The following PTPRT variants were observed in gnomAD, a reference collection of about 807,000 sequenced individuals.
The protein encoded by PTPRT is protein tyrosine phosphatase receptor type T.
A neutral mutation model predicts 176.8 loss-of-function variants in PTPRT; 56 were observed. That is an observed-to-expected ratio of 0.32 (90% CI 0.26 to 0.40). The LOEUF (loss-of-function observed/expected upper bound fraction) is 0.40. Ranked by LOEUF, PTPRT falls within the 10% of genes least tolerant of loss-of-function variation. PTPRT has a pLI of 1.00. For synonymous variants in PTPRT, 783 were observed against 739.0 expected, an observed-to-expected ratio of 1.06 and a Z score of -0.96; for missense variants, 1,540 against 1,908.2, an observed-to-expected ratio of 0.81 and a Z score of 3.60.
chr20:42,230,854 T>G (rs988222788), intron 15 of PTPRT, among the ~76,000 whole-genome samples: 2 of 152,248 alleles, frequency 1.3e-5, no homozygotes, highest in East Asian at 3.8e-4. Flanking sequence ...GGGCCTTATC[T>G]TTAACTATCC....
At chr20:43,061,408 C>T (rs1987455361) in intron 1 of PTPRT, among the ~76,000 whole-genome samples, 2 of 152,210 alleles carry the variant, frequency 1.3e-5, no homozygotes, top group Admixed American at 1.3e-4. Context: ...ATCAAATGTG[C>T]TCGGCCTCAT....
At chr20:43,086,733 CA>C (rs1255034830) in intron 1 of PTPRT, among the ~76,000 whole-genome samples, 1 of 152,144 alleles carries the variant, frequency 6.6e-6, no homozygotes, top group African/African-American at 2.4e-5. Flanking sequence ...TTGTCATATC[CA>C]TACAAAGTTA....
intron 6 of PTPRT, among the ~76,000 whole-genome samples, chr20:42,702,023 C>A (rs902541976): frequency 4.0e-5 from 6 of 151,896 alleles, no homozygotes; most frequent in Admixed American, 2.0e-4. Flanking sequence ...TACCCTAACC[C>A]GACTCTAATC....
At chr20:42,962,090 G>T (rs181446522) in intron 1 of PTPRT, among the ~76,000 whole-genome samples, 2 of 152,172 alleles carry the variant, frequency 1.3e-5, no homozygotes, top group African/African-American at 2.4e-5. Flanking sequence ...GATCTGTGTC[G>T]GTTTAAGCCA....
At chr20:42,612,457 T>C (rs2073991482) in intron 7 of PTPRT, among the ~76,000 whole-genome samples, 1 of 152,162 alleles carries the variant, frequency 6.6e-6, no homozygotes, top group Admixed American at 6.5e-5. Context: ...CCCTGTTACA[T>C]TACACGTCAT....
intron 13 of PTPRT, among the ~76,000 whole-genome samples, chr20:42,277,966 T>C (rs551466720): frequency 2.5e-4 from 37 of 150,434 alleles, no homozygotes; most frequent in African/African-American, 9.0e-4. Flanking sequence ...AGTACCAGTA[T>C]ATGCTGAGAT....
At chr20:42,152,477 T>A (rs75730524) in intron 17 of PTPRT, among the ~76,000 whole-genome samples, 1 of 152,320 alleles carries the variant, frequency 6.6e-6, no homozygotes, top group Non-Finnish European at 1.5e-5. Context: ...GGAACTTTGA[T>A]CAAGGCAGAG....
chr20:42,882,131 T>C (rs2145855376), intron 2 of PTPRT, among the ~76,000 whole-genome samples: 1 of 152,266 alleles, frequency 6.6e-6, no homozygotes, highest in Non-Finnish European at 1.5e-5. Flanking sequence ...AGACTCAAAC[T>C]TGACTTCCAA....
intron 11 of PTPRT, among the ~76,000 whole-genome samples, chr20:42,343,759 T>C (rs544914673): frequency 6.6e-6 from 1 of 152,282 alleles, no homozygotes; most frequent in South Asian, 2.1e-4. Context: ...ACTTCGCATG[T>C]AGTAGATCTC....
chr20:42,785,051 A>G (rs1190542770), intron 3 of PTPRT, among the ~76,000 whole-genome samples: 2 of 152,228 alleles, frequency 1.3e-5, no homozygotes, highest in Non-Finnish European at 2.9e-5. Flanking sequence ...GAGGTGATGG[A>G]TATGTTCATT....
intron 11 of PTPRT, among the ~76,000 whole-genome samples, chr20:42,334,285 C>G (rs924616649): frequency 3.9e-5 from 6 of 152,188 alleles, no homozygotes; most frequent in African/African-American, 1.2e-4. Flanking sequence ...TAACTAGATG[C>G]CAGTATCACC....
intron 9 of PTPRT, among the ~76,000 whole-genome samples, chr20:42,358,860 C>T (rs1238756857): frequency 1.3e-5 from 2 of 152,168 alleles, no homozygotes; most frequent in Non-Finnish European, 2.9e-5. Context: ...TGTCTTTGTG[C>T]AGTGCACAAA....
chr20:42,621,771 C>G (rs1038363353), intron 7 of PTPRT, among the ~76,000 whole-genome samples: 2 of 152,208 alleles, frequency 1.3e-5, no homozygotes, highest in African/African-American at 4.8e-5. Flanking sequence ...TCTCAAATGT[C>G]TACTTCCAGT....
intron 1 of PTPRT, among the ~76,000 whole-genome samples, chr20:43,007,705 C>A (rs1261995009): frequency 1.3e-5 from 2 of 152,212 alleles, no homozygotes; most frequent in East Asian, 3.8e-4. Flanking sequence ...TGTCCGGCGA[C>A]TTCAAAATCA....
intron 7 of PTPRT, among the ~76,000 whole-genome samples, chr20:42,515,749 A>C (rs1413886832): frequency 6.6e-6 from 1 of 152,110 alleles, no homozygotes; most frequent in Non-Finnish European, 1.5e-5. Flanking sequence ...CCATCCCATT[A>C]CTGGGTATAT....
intron 7 of PTPRT, among the ~76,000 whole-genome samples, chr20:42,623,627 C>T (rs1026198246): frequency 1.1e-4 from 16 of 152,108 alleles, no homozygotes; most frequent in African/African-American, 2.9e-4. Context: ...CTAGGGCCTT[C>T]GAGTTATTGG....
At chr20:43,134,531 C>A (rs1466526461) in intron 1 of PTPRT, among the ~76,000 whole-genome samples, 1 of 152,180 alleles carries the variant, frequency 6.6e-6, no homozygotes, top group African/African-American at 2.4e-5. Context: ...CACTGATCCC[C>A]ACCCTGCTCC....
At chr20:43,110,500 T>C (rs1037821067) in intron 1 of PTPRT, among the ~76,000 whole-genome samples, 2 of 152,116 alleles carry the variant, frequency 1.3e-5, no homozygotes. Context: ...GAGGTTACCT[T>C]TGGGGAGAAC....
chr20:42,323,233 C>T (rs1250940784), intron 11 of PTPRT, among the ~76,000 whole-genome samples: 1 of 152,120 alleles, frequency 6.6e-6, no homozygotes, highest in African/African-American at 2.4e-5. Context: ...CTAGAAATAC[C>T]ATTTGACCCA....
Sources: gnomAD v4.1 joint callset for allele counts (sites outside exome capture counted in the v4.1 genomes callset) on GRCh38, gnomAD v4.1.1 for gene constraint, MANE v1.5 for transcripts, NCBI Gene and HGNC (gene_info 2026-07-23, HGNC 2026-07-21) for gene names.